The following GRM7 variants were observed in gnomAD, a reference collection of about 807,000 sequenced individuals.
GRM7 encodes metabotropic glutamate receptor 7.
Under a neutral mutation model 84.5 loss-of-function variants are expected in GRM7, and 35 were observed. The observed-to-expected ratio is 0.41, with a 90% confidence interval of 0.32 to 0.55. The LOEUF (loss-of-function observed/expected upper bound fraction) is 0.55. Among genes scored for constraint, GRM7 ranks in the 20% least tolerant of loss-of-function variants. The pLI is 0.19. For synonymous variants in GRM7, 487 were observed against 455.1 expected (o/e 1.07, Z -0.89); for missense variants, 1,003 against 1,194.6 (o/e 0.84, Z 2.36).
chr3:7,558,221 A>G (rs944185160), intron 7 of GRM7, among the ~76,000 whole-genome samples: 10 of 152,058 alleles, frequency 6.6e-5, no homozygotes, highest in African/African-American at 2.4e-4. Flanking sequence ...GCTCATTCCA[A>G]GTTCAGGGGA....
At chr3:7,020,652 C>G (rs938546064) in intron 1 of GRM7, among the ~76,000 whole-genome samples, 21 of 152,160 alleles carry the variant, frequency 1.4e-4, no homozygotes, top group Non-Finnish European at 1.6e-4. Flanking sequence ...AAATCTATTG[C>G]AGAAGACCTC....
chr3:7,693,434 A>G (rs1700888947), intron 9 of GRM7, among the ~76,000 whole-genome samples: 1 of 152,000 alleles, frequency 6.6e-6, no homozygotes, highest in Admixed American at 6.6e-5. Flanking sequence ...GAAACTGGCC[A>G]CCAGGGTCAT....
At chr3:7,590,518 C>T (rs1250163274) in intron 8 of GRM7, among the ~76,000 whole-genome samples, 1 of 152,204 alleles carries the variant, frequency 6.6e-6, no homozygotes, top group Non-Finnish European at 1.5e-5. Context: ...ACCAGTAAAG[C>T]TTGCCGGACC....
chr3:6,919,375 T>G (rs1697045859), intron 1 of GRM7, among the ~76,000 whole-genome samples: 1 of 148,024 alleles, frequency 6.8e-6, no homozygotes. Flanking sequence ...ATTTTTTTTT[T>G]TTTTTTTTTT....
intron 1 of GRM7, among the ~76,000 whole-genome samples, chr3:7,046,575 G>A (rs543803885): frequency 6.6e-5 from 10 of 152,146 alleles, no homozygotes; most frequent in Admixed American, 2.0e-4. Context: ...TTGTAGTTTT[G>A]TTACTTCCAG....
chr3:6,912,374 C>A (rs562395948), intron 1 of GRM7, among the ~76,000 whole-genome samples: 3 of 152,012 alleles, frequency 2.0e-5, no homozygotes, highest in Admixed American at 2.0e-4. Context: ...GTTGGTGGAA[C>A]GTTTTAAAGG....
chr3:7,213,398 T>A (rs1441087996), intron 2 of GRM7, among the ~76,000 whole-genome samples: 2 of 152,178 alleles, frequency 1.3e-5, no homozygotes, highest in Admixed American at 6.5e-5. Context: ...TAAGAGGTAG[T>A]AAGGCCCTTG....
intron 8 of GRM7, among the ~76,000 whole-genome samples, chr3:7,645,838 T>C (rs569445208): frequency 6.6e-6 from 1 of 152,268 alleles, no homozygotes; most frequent in Non-Finnish European, 1.5e-5. Context: ...CAATTTTCCT[T>C]TCCATGTCCA....
intron 1 of GRM7, among the ~76,000 whole-genome samples, chr3:6,957,016 C>A (rs1288903836): frequency 6.6e-6 from 1 of 152,120 alleles, no homozygotes; most frequent in Non-Finnish European, 1.5e-5. Context: ...ACTATTTAAC[C>A]TTCTATTTAT....
intron 2 of GRM7, among the ~76,000 whole-genome samples, chr3:7,215,819 A>G (rs972434535): frequency 6.6e-6 from 1 of 152,222 alleles, no homozygotes; most frequent in African/African-American, 2.4e-5. Context: ...ACTAAACATT[A>G]CATTTGCTCT....
intron 2 of GRM7, among the ~76,000 whole-genome samples, chr3:7,171,805 C>A (rs1175348646): frequency 6.6e-6 from 1 of 152,202 alleles, no homozygotes; most frequent in East Asian, 1.9e-4. Flanking sequence ...TAAACATCAG[C>A]ACCAAGTAAA....
chr3:7,375,210 T>TC (rs59702995), intron 4 of GRM7, among the ~76,000 whole-genome samples: 26,739 of 125,660 alleles, frequency 0.21, 3,949 homozygotes, highest in African/African-American at 0.39. Context: ...CATTTAAACA[T>TC]CCCCTTTTTT....
intron 4 of GRM7, among the ~76,000 whole-genome samples, chr3:7,402,673 T>A (rs971890882): frequency 1.3e-5 from 2 of 152,170 alleles, no homozygotes; most frequent in Non-Finnish European, 2.9e-5. Flanking sequence ...TGAAAAATAT[T>A]GTAAATATTA....
chr3:7,122,001 C>A (rs1045081580), intron 1 of GRM7, among the ~76,000 whole-genome samples: 1 of 152,262 alleles, frequency 6.6e-6, no homozygotes, highest in South Asian at 2.1e-4. Flanking sequence ...TTTCACCTTC[C>A]ATCCTTTTGC....
intron 5 of GRM7, among the ~76,000 whole-genome samples, chr3:7,423,214 C>A (rs757812199): frequency 2.6e-5 from 4 of 152,154 alleles, no homozygotes; most frequent in Non-Finnish European, 4.4e-5. Flanking sequence ...TAATTCTGTG[C>A]AGAAGCAAGC....
chr3:7,699,623 C>T (rs1216337636), intron 9 of GRM7, among the ~76,000 whole-genome samples: 1 of 151,904 alleles, frequency 6.6e-6, no homozygotes, highest in Non-Finnish European at 1.5e-5. Context: ...AATTTTTTTT[C>T]TTTTCTGCTA....
At chr3:7,473,351 C>G (rs1451216447) in intron 7 of GRM7, among the ~76,000 whole-genome samples, 1 of 152,064 alleles carries the variant, frequency 6.6e-6, no homozygotes, top group South Asian at 2.1e-4. Context: ...ATGGCACATG[C>G]TTGTAGTCCT....
At chr3:7,022,945 A>G (rs566023401) in intron 1 of GRM7, among the ~76,000 whole-genome samples, 5 of 152,170 alleles carry the variant, frequency 3.3e-5, no homozygotes, top group Admixed American at 6.5e-5. Context: ...GTATTATAGA[A>G]GGAAGCTTAT....
At chr3:7,640,756 T>G (rs1047046648) in intron 8 of GRM7, among the ~76,000 whole-genome samples, 3 of 152,188 alleles carry the variant, frequency 2.0e-5, no homozygotes, top group Admixed American at 2.0e-4. Flanking sequence ...ATAAAAATTA[T>G]GAAAATGATG....
Sources: gnomAD v4.1 joint callset for allele counts (sites outside exome capture counted in the v4.1 genomes callset) on GRCh38, gnomAD v4.1.1 for gene constraint, MANE v1.5 for transcripts, NCBI Gene and HGNC (gene_info 2026-07-23, HGNC 2026-07-21) for gene names.